The following FYB1 variants were observed in gnomAD, a reference collection of about 807,000 sequenced individuals.
The protein encoded by FYB1 is FYN-binding protein 1.
A neutral mutation model predicts 94.1 loss-of-function variants in FYB1; 41 were observed. The ratio of observed to expected loss-of-function variants is 0.44; its 90% CI spans 0.34 to 0.57. FYB1 has a LOEUF of 0.57. Ranked by LOEUF, FYB1 falls within the 20% of genes least tolerant of loss-of-function variation. The pLI, the probability that FYB1 is intolerant of heterozygous loss-of-function variation, is 0.02. For synonymous variants in FYB1, 367 were observed against 353.2 expected (o/e 1.04, Z -0.44); for missense variants, 1,050 against 976.8 (o/e 1.07, Z -1.00).
intron 1 of FYB1, among the ~76,000 whole-genome samples, chr5:39,274,113 T>C (rs1279322651): frequency 6.6e-6 from 1 of 152,084 alleles, no homozygotes; most frequent in Admixed American, 6.5e-5. Flanking sequence ...TCAGTAGAGA[T>C]GGGGTTTCAC....
At chr5:39,124,585 G>A (rs547774027) in intron 12 of FYB1, among the ~76,000 whole-genome samples, 4 of 152,104 alleles carry the variant, frequency 2.6e-5, no homozygotes, top group African/African-American at 4.8e-5. Flanking sequence ...TATGAGGTTT[G>A]GGCATAATAT....
chr5:39,174,908 C>T (rs999720802), intron 2 of FYB1, among the ~76,000 whole-genome samples: 6 of 152,122 alleles, frequency 3.9e-5, no homozygotes, highest in African/African-American at 7.2e-5. Context: ...AGACTAAGGG[C>T]GAACAGAAGC....
At chr5:39,164,152 TGCTCCAAATTCA>T (rs6148996) in intron 2 of FYB1, among the ~76,000 whole-genome samples, 5,083 of 152,182 alleles carry the variant, frequency 0.033, 288 homozygotes, top group African/African-American at 0.12. Flanking sequence ...ATAAAGCATG[TGCTCCAAATTCA>T]GCTGTCTGTG....
intron 1 of FYB1, among the ~76,000 whole-genome samples, chr5:39,235,814 C>T (rs111804098): frequency 0.01 from 1,557 of 152,058 alleles, 24 homozygotes; most frequent in African/African-American, 0.036. Context: ...TTCTATATTT[C>T]TCAACAAAAC....
chr5:39,153,586 G>T lies in FYB1; in HGVS notation c.1154C>A (p.Thr385Lys), dbSNP rs762792496. The change falls in exon 3 of 19, where the codon ACG (threonine) becomes AAG (lysine). Residue 385 changes from threonine to lysine, a missense_variant. Coordinates refer to ENST00000512982, the MANE Select transcript of FYB1 (RefSeq NM_001465.6). Reference protein sequence around the residue: ...SSGNSTSKGQTSYSTTSLPPP... With the variant: ...SSGNSTSKGQKSYSTTSLPPP... ...TGGCAGGGAAGTTGTTGAGTAAGAC[G>T]TCTGGCCTTTGCTAGTACCTAAGAA... 44 of 1,613,024 alleles carry T rather than the reference G, an allele frequency of 2.7e-5. No homozygotes were observed. Among genetic ancestry groups the T allele is most frequent in the Non-Finnish European group, 3.6e-5 (42 of 1,179,624 alleles).
At chr5:39,153,319 C>T in intron 3 of FYB1, 129 bp downstream of exon 3, 1 of 1,141,838 alleles carries the variant, frequency 8.8e-7, no homozygotes, top group African/African-American at 1.5e-5. Flanking sequence ...GCCAGCTCTT[C>T]TCCCTGCCAG....
chr5:39,179,816 A>G (rs1746056042), intron 2 of FYB1, among the ~76,000 whole-genome samples: 2 of 152,034 alleles, frequency 1.3e-5, no homozygotes, highest in Admixed American at 6.5e-5. Flanking sequence ...AGGGGCCTGC[A>G]CATGCAAGTC....
In FYB1 at chr5:39,184,346, A is replaced by G. The variant is rs58952953; in HGVS notation, c.1135+17480T>C. ...TTTAACAAAAAATAAGTTTTCTTCT[A>G]TGAGGAGGTAGGTACACTTATCTTA... On this transcript the variant is annotated intron_variant, in intron 2 of 18. Coordinates refer to ENST00000512982, the MANE Select transcript of FYB1 (RefSeq NM_001465.6). 3.2e-3 allele frequency among the ~76,000 whole-genome samples: 490 copies of G among 152,338 alleles called. 2 individuals are homozygous for G. The highest frequency in any genetic ancestry group is 0.012 in the African/African-American group (479 of 41,584).
intron 2 of FYB1, among the ~76,000 whole-genome samples, chr5:39,187,982 G>A (rs1747000987): frequency 6.6e-6 from 1 of 152,172 alleles, no homozygotes; most frequent in African/African-American, 2.4e-5. Flanking sequence ...AAGAAAGAAA[G>A]GAAAGAGGGA....
At chr5:39,216,861 C>T (rs892849386) in intron 1 of FYB1, among the ~76,000 whole-genome samples, 10 of 152,150 alleles carry the variant, frequency 6.6e-5, no homozygotes, top group South Asian at 4.1e-4. Flanking sequence ...ACTCACAAGG[C>T]GCAGGCTGCA....
In FYB1 at chr5:39,271,676, A is replaced by G. The variant is rs1032714045; in HGVS notation, c.-28+2727T>C. Among the ~76,000 whole-genome samples, 9 of 152,342 alleles carry G rather than the reference A, an allele frequency of 5.9e-5. No individual in the cohort carries two copies. In the East Asian group the frequency reaches 1.7e-3, roughly 29 times the overall value. On this transcript the variant is annotated intron_variant, in intron 1 of 1. Transcript: ENST00000510188. The stretch of plus-strand genomic sequence containing the variant: ...AAATAAAAATGTTTTCAAAATTAAG[A>G]CATAATTAGAAATTAATAGGACAGG...
At chr5:39,234,161 T>A (rs1750861120) in intron 1 of FYB1, among the ~76,000 whole-genome samples, 1 of 152,094 alleles carries the variant, frequency 6.6e-6, no homozygotes, top group Non-Finnish European at 1.5e-5. Flanking sequence ...ACAGCACATA[T>A]GTCAGGAAGG....
In FYB1 at chr5:39,202,992, A is replaced by T. The variant is rs1416698926; in HGVS notation, c.-27-5T>A. ...CTTTACATCTGCCTTTCCATCCTAC[A>T]AACATAGGGAACAAAAAATAGCTGA... On this transcript the variant is annotated splice_region_variant and splice_polypyrimidine_tract_variant and intron_variant, in intron 1 of 18. Transcript: ENST00000512982. 6.2e-7 allele frequency: 1 copy of T among 1,611,328 alleles called. No homozygotes were observed. Among genetic ancestry groups the T allele is most frequent in the African/African-American group, 1.3e-5 (1 of 74,788 alleles).
intron 2 of FYB1, among the ~76,000 whole-genome samples, chr5:39,173,149 T>G (rs943051073): frequency 6.6e-6 from 1 of 152,176 alleles, no homozygotes; most frequent in African/African-American, 2.4e-5. Flanking sequence ...CCATTCTGAT[T>G]GGTGTGAGAT....
chr5:39,138,728 T>A, intron 5 of FYB1, 37 bp from the exon 6 acceptor site: 1 of 1,261,296 alleles, frequency 7.9e-7, no homozygotes, highest in Non-Finnish European at 1.1e-6. Context: ...TAATTTTTAT[T>A]ATTTAAAAAG....
Position 39,231,035 on chromosome 5 carries a change from G to A in FYB1, c.-27-28048C>T, listed in dbSNP as rs74463429. 1.2e-3 allele frequency among the ~76,000 whole-genome samples: 181 copies of A among 150,132 alleles called. 4 individuals carry two copies. The East Asian group carries it at 0.034, about 28-fold the overall frequency. On this transcript the variant is annotated intron_variant, in intron 1 of 1. Coordinates refer to the FYB1 transcript ENST00000510188. Reference sequence around the variant, plus strand: ...AGTGTTGTATCATGATATTAATATTGATTAGAACAAGGAGGAAGAAATAAA... The same window carrying A: ...AGTGTTGTATCATGATATTAATATTAATTAGAACAAGGAGGAAGAAATAAA...
intron 2 of FYB1, among the ~76,000 whole-genome samples, chr5:39,155,822 A>G (rs1047670424): frequency 1.3e-5 from 2 of 152,142 alleles, no homozygotes; most frequent in Non-Finnish European, 2.9e-5. Flanking sequence ...GTTCTGCACC[A>G]TTTGTCTGAT....
Position 39,202,624 on chromosome 5 carries a change from C to T in FYB1, c.337G>A (p.Val113Ile). The T allele has an allele frequency of 6.2e-7, 1 of 1,613,806 alleles. No individual in the cohort carries two copies. The highest frequency in any genetic ancestry group is 1.6e-4 in the Middle Eastern group (1 of 6,062). ...GGCAAGTTGATGGGCTTGGGGCCTA[C>T]AGGTTTCAGAAATCCCACTTTCGCC... ...PEAKVGFLKP[V>I]GPKPINLPKE... The change falls in exon 2 of 19, where the codon GTA becomes ATA. Residue 113 changes from valine to isoleucine, a missense_variant. Physicochemically the swap from Val to Ile is conservative, Grantham distance 29. Transcript: ENST00000512982.
chr5:39,246,183 T>G (rs1242824376), intron 1 of FYB1, among the ~76,000 whole-genome samples: 1 of 151,954 alleles, frequency 6.6e-6, no homozygotes, highest in Non-Finnish European at 1.5e-5. Context: ...CCTAAGGAAG[T>G]AGGGGAAGCT....
Sources: gnomAD v4.1 joint callset for allele counts (sites outside exome capture counted in the v4.1 genomes callset) on GRCh38, gnomAD v4.1.1 for gene constraint, MANE v1.5 for transcripts, NCBI Gene and HGNC (gene_info 2026-07-23, HGNC 2026-07-21) for gene names.